Variants in PRKN observed in about 807,000 individuals in gnomAD.
PRKN encodes the protein parkin RBR E3 ubiquitin protein ligase, also known as E3 ubiquitin-protein ligase parkin.
In PRKN, 56 loss-of-function variants were observed where a neutral mutation model predicts 59.5. That is an observed-to-expected ratio of 0.94 (90% CI 0.76 to 1.18). The LOEUF is 1.18. PRKN is among the 50% of genes most tolerant of loss of function. The probability of loss-of-function intolerance (pLI) is 0.00; values close to 1 mark genes in which losing one functional copy is unlikely to be tolerated. For missense variants in PRKN, 657 were observed against 596.4 expected, an observed-to-expected ratio of 1.10 and a Z score of -1.06; for synonymous variants, 250 against 222.1, an observed-to-expected ratio of 1.13 and a Z score of -1.12.
intron 1 of PRKN, among the ~76,000 whole-genome samples, chr6:162,479,371 G>A (rs1188127969): frequency 3.3e-5 from 5 of 151,956 alleles, no homozygotes; most frequent in Admixed American, 2.0e-4. Flanking sequence ...GATTACAGGC[G>A]CATGCCAACA....
intron 4 of PRKN, among the ~76,000 whole-genome samples, chr6:162,124,085 T>A (rs1304094727): frequency 6.6e-6 from 1 of 152,126 alleles, no homozygotes; most frequent in Non-Finnish European, 1.5e-5. Flanking sequence ...AGCTGTTGTT[T>A]CCAGCCTCTA....
intron 2 of PRKN, among the ~76,000 whole-genome samples, chr6:162,266,300 G>GTA (rs1417261382): frequency 1.5e-5 from 1 of 67,196 alleles, no homozygotes; most frequent in Non-Finnish European, 2.6e-5. Flanking sequence ...CATATATATT[G>GTA]TGTGTGTGTG....
At chr6:161,784,212 AATC>A (rs997095149) in intron 7 of PRKN, among the ~76,000 whole-genome samples, 18 of 152,370 alleles carry the variant, frequency 1.2e-4, no homozygotes, top group Non-Finnish European at 2.2e-4. Flanking sequence ...TATGGAAGCA[AATC>A]ATCATGATCT....
chr6:162,389,021 AAAAC>A (rs1787020682), intron 2 of PRKN, among the ~76,000 whole-genome samples: 2 of 151,376 alleles, frequency 1.3e-5, no homozygotes, highest in South Asian at 4.2e-4. Context: ...AAAAAAAAAA[AAAAC>A]AAAAAAACCT....
chr6:161,528,599 C>T (rs1375047622), intron 9 of PRKN, among the ~76,000 whole-genome samples: 2 of 152,156 alleles, frequency 1.3e-5, no homozygotes, highest in African/African-American at 2.4e-5. Flanking sequence ...TCATATAACA[C>T]GCAACTGACT....
chr6:162,713,282 CAGA>C (rs1241683021), intron 1 of PRKN, among the ~76,000 whole-genome samples: 5 of 152,018 alleles, frequency 3.3e-5, no homozygotes, highest in African/African-American at 7.2e-5. Flanking sequence ...ATCACGAGGT[CAGA>C]AGATCAAGAC....
intron 1 of PRKN, among the ~76,000 whole-genome samples, chr6:162,578,445 T>G (rs1780649766): frequency 6.6e-6 from 1 of 152,194 alleles, no homozygotes; most frequent in African/African-American, 2.4e-5. Context: ...CGTTTTTAAA[T>G]GTTTCTAGAT....
intron 9 of PRKN, among the ~76,000 whole-genome samples, chr6:161,455,519 C>T (rs572577778): frequency 6.6e-6 from 1 of 152,188 alleles, no homozygotes; most frequent in African/African-American, 2.4e-5. Flanking sequence ...TCAGTGTAGG[C>T]TATTCTAGTG....
intron 3 of PRKN, among the ~76,000 whole-genome samples, chr6:162,207,697 C>G (rs1222593785): frequency 6.6e-6 from 1 of 152,146 alleles, no homozygotes; most frequent in African/African-American, 2.4e-5. Flanking sequence ...ACACCACTGG[C>G]CCTCAATGCG....
intron 6 of PRKN, among the ~76,000 whole-genome samples, chr6:161,793,426 C>A (rs1790716338): frequency 6.6e-6 from 1 of 151,880 alleles, no homozygotes; most frequent in South Asian, 2.1e-4. Context: ...TGCAGAAGTC[C>A]CAATATTTCA....
chr6:162,712,725 A>T (rs549870982), intron 1 of PRKN, among the ~76,000 whole-genome samples: 5 of 152,354 alleles, frequency 3.3e-5, no homozygotes, highest in African/African-American at 1.2e-4. Flanking sequence ...TAGTTAAGAC[A>T]ATCATCCCCA....
rs1790283225 is a variant in PRKN, at chr6:161,462,805, G to A, written c.1084-75928C>T. ...CAGAATACACTTTCATCCCAAAATT[G>A]GCATACTTTAAATAATCCATGATTT... On this transcript the variant is annotated intron_variant, in intron 9 of 11. Coordinates refer to ENST00000366898, the MANE Select transcript of PRKN (RefSeq NM_004562.3). The surrounding 1 kb of genome is among the most constrained non-coding windows in gnomAD (Gnocchi z 4.5). Among the ~76,000 whole-genome samples the A allele has an allele frequency of 6.6e-6, 1 of 152,074 alleles. No homozygotes were observed. Among genetic ancestry groups the A allele is most frequent in the South Asian group, 2.1e-4 (1 of 4,814 alleles).
At chr6:162,426,939 A>T (rs899599871) in intron 2 of PRKN, among the ~76,000 whole-genome samples, 1 of 152,240 alleles carries the variant, frequency 6.6e-6, no homozygotes, top group African/African-American at 2.4e-5. Context: ...CCAGAGGTTG[A>T]CAGGTTATTT....
intron 1 of PRKN, chr6:162,694,830 T>C (rs1429843027): frequency 6.6e-6 from 1 of 152,218 alleles, no homozygotes; most frequent in Non-Finnish European, 1.5e-5. Context: ...TTTTAAATCG[T>C]AAAAGCTTTA....
rs17647823 is a variant in PRKN, at chr6:161,448,660, G to T, written c.1084-61783C>A. 0.17 allele frequency among the ~76,000 whole-genome samples: 26,181 copies of T among 152,000 alleles called. 2,483 individuals carry two copies. Among genetic ancestry groups the T allele is most frequent in the Non-Finnish European group, 0.21 (14,192 of 67,964 alleles). The stretch of plus-strand genomic sequence containing the variant: ...TATTTGCATTTTTGCTACACATTAC[G>T]TGCAAGGCTTTTATCTGCTTCCTCC... On this transcript the variant is annotated intron_variant, in intron 9 of 11. Coordinates refer to ENST00000366898, the MANE Select transcript of PRKN (RefSeq NM_004562.3). The surrounding 1 kb of genome is among the most constrained non-coding windows in gnomAD (Gnocchi z 5.1).
chr6:162,032,628 C>T (rs369645715), intron 5 of PRKN, among the ~76,000 whole-genome samples: 2 of 152,088 alleles, frequency 1.3e-5, no homozygotes, highest in Non-Finnish European at 2.9e-5. Flanking sequence ...CGCTTCATAT[C>T]GATGAAAAAA....
rs1196370364 is a variant in PRKN at position 162,233,452 on chromosome 6, CA to C, written c.412+29072del. 3.9e-5 allele frequency among the ~76,000 whole-genome samples: 6 copies of C among 152,058 alleles called. No individual in the cohort carries two copies. In the East Asian group the frequency reaches 1.2e-3, roughly 30 times the overall value. ...GTTCACTGATGCAGTGTCACAAATGCAAAAACCTGGATTAAAAACTAATAGC... is the reference window on the plus strand; with the variant it reads ...GTTCACTGATGCAGTGTCACAAATGCAAAACCTGGATTAAAAACTAATAGC... On this transcript the variant is annotated intron_variant, in intron 3 of 11. Transcript: ENST00000366898.
intron 3 of PRKN, among the ~76,000 whole-genome samples, chr6:162,204,729 T>A (rs1349101139): frequency 6.7e-6 from 1 of 148,200 alleles, no homozygotes; most frequent in Non-Finnish European, 1.5e-5. Context: ...TTTTTTTTCC[T>A]GCAGAGAAGT....
At chr6:161,375,632 T>G (rs942295617) in intron 10 of PRKN, among the ~76,000 whole-genome samples, 1 of 152,180 alleles carries the variant, frequency 6.6e-6, no homozygotes, top group Admixed American at 6.5e-5. Context: ...GAAAAGGCTG[T>G]GAGCCTTTGA....
Sources: allele counts gnomAD v4.1 joint callset (sites outside exome capture counted in the v4.1 genomes callset), GRCh38; gene constraint gnomAD v4.1.1; non-coding constraint Gnocchi (gnomAD v3.1); transcripts MANE v1.5; gene names NCBI Gene and HGNC (gene_info 2026-07-23, HGNC 2026-07-21).